SLC7A5: variants seen among roughly 807,000 people sequenced by gnomAD.
The protein encoded by SLC7A5 is large neutral amino acids transporter small subunit 1.
SLC7A5 carries 23 observed loss-of-function variants against 50.2 expected under a neutral mutation model. The ratio of observed to expected loss-of-function variants is 0.46; its 90% CI spans 0.33 to 0.65. The LOEUF (loss-of-function observed/expected upper bound fraction) is 0.65. Among genes scored for constraint, SLC7A5 ranks in the 30% least tolerant of loss-of-function variants. SLC7A5 has a pLI of 0.02. For missense variants in SLC7A5, 578 were observed against 684.4 expected (o/e 0.84, Z 1.73); for synonymous variants, 393 against 330.6 (o/e 1.19, Z -2.05).
At chr16:87,835,138 G>A (rs887075234) in intron 8 of SLC7A5, among the ~76,000 whole-genome samples, 3 of 152,262 alleles carry the variant, frequency 2.0e-5, no homozygotes, top group African/African-American at 7.2e-5. Context: ...GCATGGCTGG[G>A]GGATTGACTC....
rs2055404082 is a variant in SLC7A5, at chr16:87,861,980, C to T, written c.538+6905G>A. ...TGAGCCCACGGCTTGAGCTCTGGGG[C>T]CCACCCAGCTCCTTAAACACGCAGA... On this transcript the variant is annotated intron_variant, in intron 1 of 9. Coordinates refer to ENST00000261622, the MANE Select transcript of SLC7A5 (RefSeq NM_003486.7). The surrounding 1 kb of genome is among the most constrained non-coding windows in gnomAD (Gnocchi z 4.2). Among the ~76,000 whole-genome samples the T allele has an allele frequency of 1.3e-5, 2 of 152,202 alleles. No homozygotes were observed. Among genetic ancestry groups the T allele is most frequent in the Admixed American group, 1.3e-4 (2 of 15,278 alleles).
At chr16:87,834,297 C>T in intron 9 of SLC7A5, 117 bp downstream of exon 9, 1 of 1,013,456 alleles carries the variant, frequency 9.9e-7, no homozygotes, top group Non-Finnish European at 1.5e-6. Context: ...GTGACCTGAA[C>T]CCTCCTGCCA....
intron 5 of SLC7A5, 128 bp downstream of exon 5, chr16:87,839,574 G>A: frequency 7.5e-7 from 1 of 1,335,714 alleles, no homozygotes; most frequent in Non-Finnish European, 1.1e-6. Flanking sequence ...GGTAGGGGAG[G>A]CTTAGAGACG....
chr16:87,851,682 AGCCTCGAGGGGCCGCCGGTGGG>A lies in SLC7A5; in HGVS notation c.664+20_664+41del. On this transcript the variant is annotated intron_variant, in intron 2 of 9. Coordinates refer to ENST00000261622, the MANE Select transcript of SLC7A5 (RefSeq NM_003486.7). ...TGCCCTGTGAAGGACACACAGGCAAAGCCTCGAGGGGCCGCCGGTGGGGCCTGGGGGACGTACTCACCCTTCC... is the reference window on the plus strand; with the variant it reads ...TGCCCTGTGAAGGACACACAGGCAAAGCCTGGGGGACGTACTCACCCTTCC... 6.2e-7 allele frequency: 1 copy of A among 1,600,146 alleles called. No individual in the cohort carries two copies. The highest frequency in any genetic ancestry group is 8.5e-7 in the Non-Finnish European group (1 of 1,170,162).
chr16:87,839,881 C>T, intron 4 of SLC7A5, 56 bp from the exon 5 acceptor site: 1 of 1,610,552 alleles, frequency 6.2e-7, no homozygotes. Context: ...AAGGCCAAAC[C>T]CTGTGCCCAG....
intron 2 of SLC7A5, among the ~76,000 whole-genome samples, chr16:87,842,783 G>C (rs1187855087): frequency 6.6e-6 from 1 of 152,210 alleles, no homozygotes; most frequent in Non-Finnish European, 1.5e-5. Flanking sequence ...GTCACCAGGT[G>C]GTCAGCAGGC....
rs554695586 is a variant in SLC7A5 at position 87,853,123 on chromosome 16, G to T, written c.539-1274C>A. Among the ~76,000 whole-genome samples the T allele has an allele frequency of 7.7e-4, 117 of 152,338 alleles. No individual in the cohort carries two copies. The highest frequency in any genetic ancestry group is 2.6e-3 in the African/African-American group (108 of 41,574). On this transcript the variant is annotated intron_variant, in intron 1 of 9. Coordinates refer to ENST00000261622, the MANE Select transcript of SLC7A5 (RefSeq NM_003486.7). This position sits in a 1 kb window ranked among gnomAD's most constrained non-coding sequence, Gnocchi z 4.4. ...GGCTCCTCTTCTCTCTTTCCCCTTG[G>T]GAGTAACGCTCAGAAAGGTCTGGCC...
chr16:87,862,424 G>A lies in SLC7A5; in HGVS notation c.538+6461C>T, dbSNP rs2143827902. 1.3e-5 allele frequency among the ~76,000 whole-genome samples: 2 copies of A among 152,332 alleles called. No homozygotes were observed. Among genetic ancestry groups the A allele is most frequent in the South Asian group, 4.1e-4 (2 of 4,832 alleles). ...TTCACCCTTTAGGGAGGGGCTCAGA[G>A]ACAGTTGTGGCGATTCCTACTTCCA... On this transcript the variant is annotated intron_variant, in intron 1 of 9. Transcript: ENST00000261622. This position sits in a 1 kb window ranked among gnomAD's most constrained non-coding sequence, Gnocchi z 5.3.
At chr16:87,864,956 C>T (rs1027088362) in intron 1 of SLC7A5, among the ~76,000 whole-genome samples, 1 of 152,220 alleles carries the variant, frequency 6.6e-6, no homozygotes, top group Non-Finnish European at 1.5e-5. Context: ...AGGCCGCCTT[C>T]AGCCAGAGCT....
intron 1 of SLC7A5, among the ~76,000 whole-genome samples, chr16:87,866,946 T>G (rs942249383): frequency 2.6e-5 from 4 of 151,988 alleles, no homozygotes; most frequent in Non-Finnish European, 5.9e-5. Context: ...CTGCTTTTTT[T>G]TTTTTGAGAC....
Position 87,869,234 on chromosome 16 carries a change from A to G in SLC7A5, c.189T>C (p.Ile63=). 2 of 1,612,782 alleles carry G rather than the reference A, an allele frequency of 1.2e-6. No homozygotes were observed. The highest frequency in any genetic ancestry group is 1.7e-6 in the Non-Finnish European group (2 of 1,179,858). Reference sequence around the variant, plus strand: ...GCGTCACGAAGATGCCCGAGCCGATAATGGTCCCCACGATGATGGCCACGC... The same window carrying G: ...GCGTCACGAAGATGCCCGAGCCGATGATGGTCCCCACGATGATGGCCACGC... The part of the protein sequence containing the change: ...LNGVAIIVGT[I]IGSGIFVTPT... Residue 63 remains isoleucine (I), a synonymous_variant, in exon 1 of 10, where the codon ATT becomes ATC. Transcript: ENST00000261622.
intron 5 of SLC7A5, 104 bp downstream of exon 5, chr16:87,839,598 G>C (rs111712257): frequency 6.4e-7 from 1 of 1,558,196 alleles, no homozygotes; most frequent in Admixed American, 1.7e-5. Context: ...GGCCCCCTCT[G>C]CGTAGGGGAG....
intron 1 of SLC7A5, among the ~76,000 whole-genome samples, chr16:87,863,986 A>AAAAAATATATATATATATATAT (rs376938738): frequency 3.6e-5 from 3 of 83,278 alleles, no homozygotes; most frequent in East Asian, 6.5e-4. Flanking sequence ...ATCATTTAAA[A>AAAAAATATATATATATATATAT]ATATATATAT....
chr16:87,866,840 C>T (rs150112739), intron 1 of SLC7A5, among the ~76,000 whole-genome samples: 3 of 152,236 alleles, frequency 2.0e-5, no homozygotes, highest in African/African-American at 7.2e-5. Context: ...AACTAGGCAG[C>T]GCCCCATCCT....
At chr16:87,839,606 G>A in intron 5 of SLC7A5, 96 bp downstream of exon 5, 1 of 1,579,740 alleles carries the variant, frequency 6.3e-7, no homozygotes, top group East Asian at 2.2e-5. Context: ...CTGCGTAGGG[G>A]AGGCTTAGAG....
rs1421877095 is a variant in SLC7A5, at chr16:87,860,609, C to G, written c.538+8276G>C. On this transcript the variant is annotated intron_variant, in intron 1 of 9. Transcript: ENST00000261622. The surrounding 1 kb of genome is among the most constrained non-coding windows in gnomAD (Gnocchi z 4.8). ...GCACATGTCCTCAGGGCCTCCAGGC[C>G]TTGGTCCTCACATTTGACTCCGGAT... 2.0e-5 allele frequency among the ~76,000 whole-genome samples: 3 copies of G among 152,154 alleles called. No individual in the cohort carries two copies. Among genetic ancestry groups the G allele is most frequent in the African/African-American group, 7.2e-5 (3 of 41,442 alleles).
chr16:87,832,824 C>T lies in SLC7A5; in HGVS notation c.*146G>A. ...TTCGTACCAGAGTTTTCACAGCAGC[C>T]TCCACTGCCCGACCTGGGAGGGACG... On this transcript the variant is annotated 3_prime_UTR_variant, in exon 10 of 10. Coordinates refer to ENST00000261622, the MANE Select transcript of SLC7A5 (RefSeq NM_003486.7). The surrounding 1 kb of genome is among the most constrained non-coding windows in gnomAD (Gnocchi z 4.6). 1 of 724,154 alleles carries T rather than the reference C, an allele frequency of 1.4e-6. No individual in the cohort carries two copies. The highest frequency in any genetic ancestry group is 2.5e-6 in the Non-Finnish European group (1 of 394,926). 44.9% of individuals were successfully genotyped at this position (724,154 alleles called of 1,614,324 possible).
chr16:87,854,647 G>C (rs770007777), intron 1 of SLC7A5, among the ~76,000 whole-genome samples: 1 of 152,378 alleles, frequency 6.6e-6, no homozygotes, highest in East Asian at 1.9e-4. Context: ...CCCCAGATAA[G>C]TGTGGCCGCG....
chr16:87,866,027 A>C (rs529802525), intron 1 of SLC7A5, among the ~76,000 whole-genome samples: 1 of 152,220 alleles, frequency 6.6e-6, no homozygotes, highest in Non-Finnish European at 1.5e-5. Context: ...AACAAAAAGC[A>C]AAAAACCACA....
Sources: gnomAD v4.1 joint callset for allele counts (sites outside exome capture counted in the v4.1 genomes callset) on GRCh38, gnomAD v4.1.1 for gene constraint, Gnocchi (gnomAD v3.1) non-coding constraint, MANE v1.5 for transcripts, NCBI Gene and HGNC (gene_info 2026-07-23, HGNC 2026-07-21) for gene names.